The following TMEM87A variants were observed in gnomAD, a reference collection of about 807,000 sequenced individuals.
The protein encoded by TMEM87A is transmembrane protein 87A, also known as Golgi-pH regulating cation channel.
In TMEM87A, 50 loss-of-function variants were observed where a neutral mutation model predicts 90.0. That is an observed-to-expected ratio of 0.56 (90% CI 0.44 to 0.70). The LOEUF (loss-of-function observed/expected upper bound fraction) is 0.70. TMEM87A is among the 30% of genes least tolerant of loss of function. TMEM87A has a pLI of 0.00. For missense variants in TMEM87A, 577 were observed against 660.5 expected, an observed-to-expected ratio of 0.87 and a Z score of 1.39; for synonymous variants, 226 against 226.7, an observed-to-expected ratio of 1.00 and a Z score of 0.03.
intron 19 of TMEM87A, among the ~76,000 whole-genome samples, chr15:42,212,793 G>A (rs1595699278): frequency 6.6e-6 from 1 of 152,164 alleles, no homozygotes; most frequent in Non-Finnish European, 1.5e-5. Context: ...TCCCAAAGAT[G>A]TTGTTGAAGA....
intron 3 of TMEM87A, among the ~76,000 whole-genome samples, chr15:42,267,147 T>C (rs2051423143): frequency 6.6e-6 from 1 of 152,228 alleles, no homozygotes; most frequent in African/African-American, 2.4e-5. Flanking sequence ...GGTATAGTTA[T>C]AAACAATGTA....
At position 42,273,406 on chromosome 15, in the gene TMEM87A, G is replaced by C. The variant is rs1414424787; in HGVS notation, c.-8C>G. 6.2e-7 allele frequency: 1 copy of C among 1,613,650 alleles called. No individual in the cohort carries two copies. Among genetic ancestry groups the C allele is most frequent in the South Asian group, 1.1e-5 (1 of 91,088 alleles). On this transcript the variant is annotated 5_prime_UTR_variant, in exon 1 of 20. Transcript: ENST00000389834. ...CCACGCAGCCGCCGCCATCTTCACAGCCGTGGAGTGCCTACCGAAAGCATT... is the reference window on the plus strand; with the variant it reads ...CCACGCAGCCGCCGCCATCTTCACACCCGTGGAGTGCCTACCGAAAGCATT...
intron 2 of TMEM87A, among the ~76,000 whole-genome samples, chr15:42,269,605 T>C (rs2051472607): frequency 6.6e-6 from 1 of 152,178 alleles, no homozygotes; most frequent in African/African-American, 2.4e-5. Flanking sequence ...GCTGTTTATG[T>C]TACAAGACAA....
intron 6 of TMEM87A, among the ~76,000 whole-genome samples, chr15:42,248,451 C>A (rs1216671457): frequency 3.9e-5 from 6 of 152,102 alleles, no homozygotes; most frequent in Non-Finnish European, 5.9e-5. Context: ...TTTTGACATA[C>A]GTTCCATCAA....
At chr15:42,219,995 TAATA>T in intron 16 of TMEM87A, 63 bp downstream of exon 16, 4 of 1,390,706 alleles carry the variant, frequency 2.9e-6, no homozygotes, top group Non-Finnish European at 3.9e-6. Flanking sequence ...AGTTATAAAA[TAATA>T]AACAATGTAC....
intron 6 of TMEM87A, among the ~76,000 whole-genome samples, chr15:42,255,470 TC>T (rs1309552444): frequency 6.6e-6 from 1 of 151,944 alleles, no homozygotes; most frequent in East Asian, 1.9e-4. Context: ...TCTAATGTTT[TC>T]CAGGCTGCTC....
chr15:42,272,237 AC>A (rs2051549109), intron 1 of TMEM87A, 114 bp from the exon 2 acceptor site: 2 of 685,640 alleles, frequency 2.9e-6, no homozygotes, highest in African/African-American at 1.8e-5. Flanking sequence ...TATGGGACGT[AC>A]CCCTTAATCA....
intron 16 of TMEM87A, 132 bp from the exon 17 acceptor site, chr15:42,219,774 T>C (rs897107088): frequency 7.3e-6 from 5 of 681,834 alleles, no homozygotes; most frequent in Admixed American, 3.4e-5. Context: ...TATTTTAAGC[T>C]TCCTAATACT....
At chr15:42,261,094 C>CAGTGCAGG in intron 5 of TMEM87A, 92 bp from the exon 6 acceptor site, 1 of 1,542,808 alleles carries the variant, frequency 6.5e-7, no homozygotes, top group Admixed American at 1.8e-5. Flanking sequence ...GCCTGCTCCC[C>CAGTGCAGG]AGGTGCAGCA....
At chr15:42,269,178 G>C (rs2051463683) in intron 2 of TMEM87A, among the ~76,000 whole-genome samples, 1 of 152,034 alleles carries the variant, frequency 6.6e-6, no homozygotes, top group Non-Finnish European at 1.5e-5. Context: ...CTGATTAGCT[G>C]GAGGAAGTCA....
intron 11 of TMEM87A, 98 bp downstream of exon 11, chr15:42,233,115 A>G: frequency 9.9e-7 from 1 of 1,014,240 alleles, no homozygotes; most frequent in South Asian, 1.5e-5. Context: ...GACTTAAAGC[A>G]AACAGAAAGA....
intron 10 of TMEM87A, among the ~76,000 whole-genome samples, chr15:42,234,709 C>T (rs1256264931): frequency 6.6e-6 from 1 of 151,968 alleles, no homozygotes; most frequent in Non-Finnish European, 1.5e-5. Flanking sequence ...ATTCTAATTC[C>T]TCTCCTCCTA....
chr15:42,239,125 C>A (rs1405640929), intron 8 of TMEM87A, among the ~76,000 whole-genome samples: 1 of 152,146 alleles, frequency 6.6e-6, no homozygotes, highest in Non-Finnish European at 1.5e-5. Context: ...CTCACAGAAG[C>A]CTCTGTCTCC....
chr15:42,223,696 AAC>A (rs1178787718), intron 15 of TMEM87A, among the ~76,000 whole-genome samples: 6 of 152,244 alleles, frequency 3.9e-5, no homozygotes, highest in Non-Finnish European at 8.8e-5. Flanking sequence ...ATTATAAACA[AAC>A]AGTCTGTGGT....
chr15:42,261,121 G>A lies in TMEM87A; in HGVS notation c.459+75C>T, dbSNP rs992504505. On this transcript the variant is annotated intron_variant, in intron 5 of 19. Transcript: ENST00000389834. ...GGTGCAGCACTCCCTCCTTAGAGAT[G>A]CAGTGAGCACGGGTATCTCCTGCAC... The A allele has an allele frequency of 7.1e-6, 11 of 1,554,420 alleles. No homozygotes were observed. The South Asian group carries it at 1.3e-4, about 18-fold the overall frequency.
chr15:42,213,079 C>T (rs899644129), intron 19 of TMEM87A, among the ~76,000 whole-genome samples: 3 of 152,138 alleles, frequency 2.0e-5, no homozygotes, highest in Admixed American at 6.5e-5. Flanking sequence ...GGCAGAAAAA[C>T]CTGAGGCACC....
At chr15:42,259,175 T>C (rs2051239604) in intron 6 of TMEM87A, among the ~76,000 whole-genome samples, 1 of 152,056 alleles carries the variant, frequency 6.6e-6, no homozygotes, top group Non-Finnish European at 1.5e-5. Flanking sequence ...TAGGCTGGAG[T>C]GCAGTGGTGT....
intron 4 of TMEM87A, among the ~76,000 whole-genome samples, chr15:42,263,042 A>G (rs186469909): frequency 4.6e-5 from 7 of 152,312 alleles, no homozygotes; most frequent in African/African-American, 1.2e-4. Flanking sequence ...GACAATGATG[A>G]TACCCTTCTG....
At chr15:42,225,733 T>C (rs2050580072) in intron 15 of TMEM87A, among the ~76,000 whole-genome samples, 1 of 152,158 alleles carries the variant, frequency 6.6e-6, no homozygotes, top group South Asian at 2.1e-4. Context: ...GGTTTTGCCA[T>C]GTTGGCCGAA....
Sources: gnomAD v4.1 joint callset for allele counts (sites outside exome capture counted in the v4.1 genomes callset) on GRCh38, gnomAD v4.1.1 for gene constraint, MANE v1.5 for transcripts, NCBI Gene and HGNC (gene_info 2026-07-23, HGNC 2026-07-21) for gene names.